The following FHIT variants were observed in gnomAD, a reference collection of about 807,000 sequenced individuals.
The protein encoded by FHIT is fragile histidine triad diadenosine triphosphatase.
A neutral mutation model predicts 17.9 loss-of-function variants in FHIT; 19 were observed. That is an observed-to-expected ratio of 1.06 (90% confidence interval 0.74 to 1.56). FHIT has a LOEUF of 1.56. FHIT is among the 40% of genes most tolerant of loss of function. The probability of loss-of-function intolerance (pLI) is 0.00; values close to 1 mark genes in which losing one functional copy is unlikely to be tolerated. For synonymous variants in FHIT, 81 were observed against 69.7 expected, an observed-to-expected ratio of 1.16 and a Z score of -0.81; for missense variants, 248 against 189.2, an observed-to-expected ratio of 1.31 and a Z score of -1.82.
chr3:60,210,732 A>T (rs1703412036), intron 5 of FHIT, among the ~76,000 whole-genome samples: 1 of 152,172 alleles, frequency 6.6e-6, no homozygotes, highest in African/African-American at 2.4e-5. Context: ...GGAAAGTCTT[A>T]AAGTTCAACA....
intron 9 of FHIT, chr3:59,749,954 G>A (rs768978776): frequency 8.9e-6 from 2 of 225,298 alleles, no homozygotes; most frequent in Admixed American, 5.7e-5. Context: ...TCTGACTGCT[G>A]GGAAGACTGA....
intron 5 of FHIT, among the ~76,000 whole-genome samples, chr3:60,051,993 T>C (rs552459687): frequency 5.6e-4 from 85 of 152,230 alleles, no homozygotes; most frequent in African/African-American, 2.0e-3. Context: ...ATATCAGATG[T>C]TGTGGAGCCT....
At chr3:60,001,540 C>T (rs568859921) in intron 7 of FHIT, among the ~76,000 whole-genome samples, 4 of 152,102 alleles carry the variant, frequency 2.6e-5, no homozygotes, top group African/African-American at 4.8e-5. Context: ...GTGAGGAAAT[C>T]GAGATCAGAG....
intron 4 of FHIT, among the ~76,000 whole-genome samples, chr3:60,706,776 A>G (rs1157299806): frequency 2.6e-5 from 4 of 152,194 alleles, no homozygotes; most frequent in Non-Finnish European, 4.4e-5. Flanking sequence ...GTCCATTTTC[A>G]TCATTCAAAA....
intron 3 of FHIT, among the ~76,000 whole-genome samples, chr3:61,018,348 C>A (rs977660624): frequency 5.3e-5 from 8 of 152,136 alleles, no homozygotes; most frequent in African/African-American, 1.4e-4. Context: ...AATTCTAGAA[C>A]CTTCACTTCT....
chr3:60,720,996 G>A (rs553750649), intron 4 of FHIT, among the ~76,000 whole-genome samples: 4 of 152,278 alleles, frequency 2.6e-5, no homozygotes, highest in South Asian at 2.1e-4. Flanking sequence ...ATGGTAACAC[G>A]TGAAGATGAC....
At chr3:60,056,414 C>T (rs572964902) in intron 5 of FHIT, among the ~76,000 whole-genome samples, 3 of 152,322 alleles carry the variant, frequency 2.0e-5, no homozygotes, top group Admixed American at 6.5e-5. Flanking sequence ...TTGCTATTTG[C>T]ACCACCCTGT....
At chr3:61,059,129 T>C (rs112650083) in intron 2 of FHIT, among the ~76,000 whole-genome samples, 1,813 of 152,328 alleles carry the variant, frequency 0.012, 31 homozygotes, top group African/African-American at 0.039. Flanking sequence ...CTATTTGTTA[T>C]GCTGTTAGCT....
At chr3:60,912,300 C>T (rs1553766099) in intron 3 of FHIT, among the ~76,000 whole-genome samples, 1 of 152,086 alleles carries the variant, frequency 6.6e-6, no homozygotes, top group African/African-American at 2.4e-5. Context: ...AGTTATCAGC[C>T]TGGACTGTGG....
At chr3:60,859,988 G>C (rs1442520417) in intron 3 of FHIT, among the ~76,000 whole-genome samples, 1 of 124,578 alleles carries the variant, frequency 8.0e-6, no homozygotes, top group Non-Finnish European at 1.7e-5. Flanking sequence ...AGGTTCCAGT[G>C]AGCCGAGATT....
intron 4 of FHIT, among the ~76,000 whole-genome samples, chr3:60,783,231 T>G (rs1700453023): frequency 6.6e-6 from 1 of 152,242 alleles, no homozygotes; most frequent in Non-Finnish European, 1.5e-5. Context: ...CGAATTTGTC[T>G]GGGGGATGGG....
rs546287656 is a variant in FHIT, at chr3:60,864,632, G to C, written c.-110-42621C>G. ...GGTGGCAGATGAGGTTGGAGCCTAA[G>C]TTGTCCTGACTTGAAAGACTTGAAC... On this transcript the variant is annotated intron_variant, in intron 3 of 9. Transcript: ENST00000492590. Among the ~76,000 whole-genome samples the C allele has an allele frequency of 7.2e-4, 110 of 152,208 alleles. 1 individual carries two copies. In the South Asian group the frequency reaches 9.9e-3, roughly 14 times the overall value.
intron 7 of FHIT, among the ~76,000 whole-genome samples, chr3:59,982,892 T>C (rs899707545): frequency 1.3e-5 from 2 of 152,152 alleles, no homozygotes; most frequent in African/African-American, 4.8e-5. Flanking sequence ...TATTTGTAAA[T>C]TAGAGATTCT....
Position 60,423,226 on chromosome 3 carries a change from G to A in FHIT, c.103+113634C>T, listed in dbSNP as rs1251975726. Reference sequence around the variant, plus strand: ...AGAGTAGAGTATAGATGGTAGAGTAGAGAGACAAAGAGAATTCAGATTTCA... The same window carrying A: ...AGAGTAGAGTATAGATGGTAGAGTAAAGAGACAAAGAGAATTCAGATTTCA... On this transcript the variant is annotated intron_variant, in intron 5 of 9. Coordinates refer to ENST00000492590, the MANE Select transcript of FHIT (RefSeq NM_002012.4). Among the ~76,000 whole-genome samples the A allele has an allele frequency of 2.0e-5, 3 of 152,204 alleles. No homozygotes were observed. The South Asian group carries it at 6.2e-4, about 32-fold the overall frequency.
intron 5 of FHIT, among the ~76,000 whole-genome samples, chr3:60,272,533 G>C (rs17062655): frequency 6.6e-6 from 1 of 152,080 alleles, no homozygotes; most frequent in African/African-American, 2.4e-5. Context: ...CAATTCCCCC[G>C]GTGTGAAAAC....
At chr3:60,810,230 G>C (rs1553735690) in intron 4 of FHIT, among the ~76,000 whole-genome samples, 1 of 152,074 alleles carries the variant, frequency 6.6e-6, no homozygotes, top group African/African-American at 2.4e-5. Flanking sequence ...TATTATAAAA[G>C]CAACTCCATT....
intron 4 of FHIT, among the ~76,000 whole-genome samples, chr3:60,559,319 T>C (rs1184026910): frequency 6.6e-6 from 1 of 152,174 alleles, no homozygotes. Flanking sequence ...CATTAACCCA[T>C]TTTGAGGGTG....
At chr3:60,354,727 G>A (rs1014244827) in intron 5 of FHIT, among the ~76,000 whole-genome samples, 9 of 152,018 alleles carry the variant, frequency 5.9e-5, no homozygotes, top group African/African-American at 1.4e-4. Context: ...AAAGTACGCC[G>A]GTCCAATTGG....
Position 60,697,174 on chromosome 3 carries a change from G to A in FHIT, c.-18+124745C>T, listed in dbSNP as rs372689796. On this transcript the variant is annotated intron_variant, in intron 4 of 9. Transcript: ENST00000492590. ...ATTTATATAAAATTTAAAATATACA[G>A]AACTTACAGTGATTGCAAGTACCTA... 1.8e-4 allele frequency among the ~76,000 whole-genome samples: 28 copies of A among 152,038 alleles called. 1 individual carries two copies. The highest frequency in any genetic ancestry group is 6.5e-4 in the African/African-American group (27 of 41,490).
Sources: allele counts gnomAD v4.1 joint callset (sites outside exome capture counted in the v4.1 genomes callset), GRCh38; gene constraint gnomAD v4.1.1; transcripts MANE v1.5; gene names NCBI Gene and HGNC (gene_info 2026-07-23, HGNC 2026-07-21).